Variants in BPNT1 observed in about 807,000 individuals in gnomAD.
The protein encoded by BPNT1 is 3'(2'),5'-bisphosphate nucleotidase 1.
In BPNT1, 28 loss-of-function variants were observed where a neutral mutation model predicts 36.9. That is an observed-to-expected ratio of 0.76 (90% confidence interval 0.56 to 1.04). The LOEUF (loss-of-function observed/expected upper bound fraction) is 1.04, where lower values mean the gene tolerates loss of function less well. Among genes scored for constraint, BPNT1 ranks in the 50% least tolerant of loss-of-function variants. The pLI is 0.00. For synonymous variants in BPNT1, 119 were observed against 130.9 expected (o/e 0.91, Z 0.62); for missense variants, 313 against 372.9 (o/e 0.84, Z 1.32).
At position 220,077,402 on chromosome 1, in the gene BPNT1, A is replaced by G. The variant is rs192620997; in HGVS notation, c.120+2325T>C. ...GTTCTTATGAATTTTTTTTTTTAATATTATTTATTTATTTTAGAGACAGGG... is the reference window on the plus strand; with the variant it reads ...GTTCTTATGAATTTTTTTTTTTAATGTTATTTATTTATTTTAGAGACAGGG... On this transcript the variant is annotated intron_variant, in intron 2 of 8. Coordinates refer to ENST00000322067, the MANE Select transcript of BPNT1 (RefSeq NM_006085.6). 1.3e-3 allele frequency among the ~76,000 whole-genome samples: 190 copies of G among 151,356 alleles called. 6 individuals are homozygous for G. In the East Asian group the frequency reaches 0.035, roughly 28 times the overall value.
intron 4 of BPNT1, among the ~76,000 whole-genome samples, chr1:220,069,805 G>A (rs1663885006): frequency 1.3e-5 from 2 of 151,998 alleles, no homozygotes; most frequent in South Asian, 2.1e-4. Flanking sequence ...GCGTGGTGGT[G>A]GGTGGCTGTA....
At chr1:220,066,119 T>C in intron 6 of BPNT1, 1 of 1,505,998 alleles carries the variant, frequency 6.6e-7, no homozygotes, top group Admixed American at 2.1e-5. Context: ...TTCATTGTTC[T>C]GTGGAAAATG....
intron 2 of BPNT1, among the ~76,000 whole-genome samples, chr1:220,078,243 T>C (rs1283676513): frequency 6.9e-6 from 1 of 144,070 alleles, no homozygotes; most frequent in African/African-American, 2.5e-5. Flanking sequence ...AAAGTCAATA[T>C]ATGAAAACTT....
chr1:220,064,495 G>A (rs1663351064), intron 6 of BPNT1, among the ~76,000 whole-genome samples: 1 of 152,196 alleles, frequency 6.6e-6, no homozygotes, highest in African/African-American at 2.4e-5. Context: ...ACCCTACGGG[G>A]AGCTGTTCCT....
chr1:220,067,052 T>C (rs1374430266), intron 6 of BPNT1: 1 of 166,014 alleles, frequency 6.0e-6, no homozygotes, highest in East Asian at 1.6e-4. Flanking sequence ...CCCCCAGCGA[T>C]TTTGATTCAG....
At chr1:220,082,774 AC>A (rs1655311396) in intron 1 of BPNT1, among the ~76,000 whole-genome samples, 1 of 151,534 alleles carries the variant, frequency 6.6e-6, no homozygotes, top group Non-Finnish European at 1.5e-5. Flanking sequence ...GTTAGTAGAG[AC>A]GGGGATTCAC....
At position 220,062,879 on chromosome 1, in the gene BPNT1, C is replaced by T. The variant is rs1558077716; in HGVS notation, c.550G>A (p.Glu184Lys). The T allele has an allele frequency of 6.2e-7, 1 of 1,614,166 alleles. No individual in the cohort carries two copies. The highest frequency in any genetic ancestry group is 1.7e-5 in the Admixed American group (1 of 59,998). Residue 184 changes from glutamate to lysine, a missense_variant, in exon 7 of 9, where the codon GAA (glutamate) becomes AAA (lysine). By Grantham distance (56) the Glu-to-Lys change is moderately conservative. Transcript: ENST00000322067. ...ATAATGTGTTTCCCAGCAGGGACTT[C>T]TTTCAGCTGAAACCCAAAGGCGCCT... is the stretch of plus-strand genomic sequence containing the variant. ...GLGAFGFQLK[E>K]VPAGKHIITT...
chr1:220,081,512 T>C (rs1483271961), intron 1 of BPNT1, among the ~76,000 whole-genome samples: 2 of 151,476 alleles, frequency 1.3e-5, no homozygotes, highest in Non-Finnish European at 2.9e-5. Flanking sequence ...CACTGCACTC[T>C]AGCCTGGGCG....
At position 220,058,163 on chromosome 1, in the gene BPNT1, G is replaced by T; in HGVS notation, c.*681C>A. 1 of 986,596 alleles carries T rather than the reference G, an allele frequency of 1.0e-6. No individual in the cohort carries two copies. 61.1% of individuals were successfully genotyped at this position (986,596 alleles called of 1,614,324 possible). A position where few individuals can be genotyped will look rare whatever the true frequency, so the allele number is the denominator to read the frequency against. Reference sequence around the variant, plus strand: ...TACATTCTAGCCTAGGCTACAGAGCGAGACTCCGTCTCAGGAAAAAAAAAG... The same window carrying T: ...TACATTCTAGCCTAGGCTACAGAGCTAGACTCCGTCTCAGGAAAAAAAAAG... On this transcript the variant is annotated 3_prime_UTR_variant, in exon 9 of 9. Coordinates refer to ENST00000322067, the MANE Select transcript of BPNT1 (RefSeq NM_006085.6).
intron 1 of BPNT1, among the ~76,000 whole-genome samples, chr1:220,089,278 A>G (rs1464797448): frequency 1.3e-5 from 2 of 152,196 alleles, no homozygotes; most frequent in East Asian, 3.8e-4. Context: ...GAGAACCTTA[A>G]TAAAAGTATA....
At chr1:220,077,294 T>C (rs1664637205) in intron 2 of BPNT1, among the ~76,000 whole-genome samples, 1 of 152,204 alleles carries the variant, frequency 6.6e-6, no homozygotes, top group Non-Finnish European at 1.5e-5. Flanking sequence ...AAAAAATGTT[T>C]TGCTTAAATC....
At chr1:220,072,331 C>G (rs1459234005) in intron 4 of BPNT1, among the ~76,000 whole-genome samples, 1 of 151,614 alleles carries the variant, frequency 6.6e-6, no homozygotes, top group Non-Finnish European at 1.5e-5. Context: ...GCCCTGTACT[C>G]CAGCCTGGTG....
chr1:220,073,079 A>G, intron 3 of BPNT1, 122 bp from the exon 4 acceptor site: 6 of 867,360 alleles, frequency 6.9e-6, no homozygotes, highest in South Asian at 6.3e-5. Context: ...TTTACCATTT[A>G]TATTTAGAGC....
intron 2 of BPNT1, among the ~76,000 whole-genome samples, chr1:220,077,114 C>T (rs972133494): frequency 2.6e-5 from 4 of 152,122 alleles, no homozygotes; most frequent in Admixed American, 1.3e-4. Context: ...GTCCTGTGAT[C>T]AGCCAACAGT....
At chr1:220,068,558 C>G (rs771711757) in intron 5 of BPNT1, among the ~76,000 whole-genome samples, 7 of 151,920 alleles carry the variant, frequency 4.6e-5, no homozygotes, top group Non-Finnish European at 8.8e-5. Context: ...CACCTGTAAT[C>G]CCAGCACTTT....
chr1:220,083,098 G>A (rs1044803797), intron 1 of BPNT1, among the ~76,000 whole-genome samples: 4 of 151,308 alleles, frequency 2.6e-5, no homozygotes, highest in East Asian at 2.1e-4. Context: ...TTAGCCGGGC[G>A]TGGTGGCATG....
intron 7 of BPNT1, among the ~76,000 whole-genome samples, chr1:220,060,349 G>T (rs1174987180): frequency 6.6e-6 from 1 of 152,098 alleles, no homozygotes; most frequent in Admixed American, 6.6e-5. Context: ...TGTGTTGCAT[G>T]TCTGTAATCC....
intron 1 of BPNT1, among the ~76,000 whole-genome samples, chr1:220,081,702 T>C (rs1447550167): frequency 6.6e-6 from 1 of 152,028 alleles, no homozygotes; most frequent in Non-Finnish European, 1.5e-5. Context: ...TGGGAGTATA[T>C]CTGCTGAGAA....
intron 1 of BPNT1, among the ~76,000 whole-genome samples, chr1:220,083,765 T>A (rs992415355): frequency 1.3e-5 from 2 of 152,162 alleles, no homozygotes; most frequent in Non-Finnish European, 2.9e-5. Context: ...ATATTTTTAT[T>A]TTAGTTTCAA....
Sources: gnomAD v4.1 joint callset for allele counts (sites outside exome capture counted in the v4.1 genomes callset) on GRCh38, gnomAD v4.1.1 for gene constraint, MANE v1.5 for transcripts, NCBI Gene and HGNC (gene_info 2026-07-23, HGNC 2026-07-21) for gene names.